BLNK: variants seen among roughly 807,000 people sequenced by gnomAD.
BLNK encodes B cell linker.
BLNK carries 29 observed loss-of-function variants against 73.5 expected under a neutral mutation model. The ratio of observed to expected loss-of-function variants is 0.39; its 90% CI spans 0.29 to 0.54. BLNK has a LOEUF of 0.54. Among genes scored for constraint, BLNK ranks in the 20% least tolerant of loss-of-function variants. The probability of loss-of-function intolerance (pLI) is 0.61; values close to 1 mark genes in which losing one functional copy is unlikely to be tolerated. For missense variants in BLNK, 460 were observed against 562.8 expected (o/e 0.82, Z 1.85); for synonymous variants, 176 against 200.8 (o/e 0.88, Z 1.04).
At chr10:96,264,602 G>A (rs1422384793) in intron 1 of BLNK, among the ~76,000 whole-genome samples, 3 of 152,008 alleles carry the variant, frequency 2.0e-5, no homozygotes, top group Non-Finnish European at 2.9e-5. Flanking sequence ...AGGGGGGCGG[G>A]GAGACATAGA....
chr10:96,191,061 T>A lies in BLNK; in HGVS notation c.*912A>T, dbSNP rs1554893267. On this transcript the variant is annotated 3_prime_UTR_variant, in exon 17 of 17. Coordinates refer to ENST00000224337, the MANE Select transcript of BLNK (RefSeq NM_013314.4). ...TGAATCACGCGGGCAGGTTTTCCCA[T>A]GTTGTTGTGATAGTGAGTAAGTCTC... 6.6e-6 allele frequency among the ~76,000 whole-genome samples: 1 copy of A among 152,016 alleles called. No individual in the cohort carries two copies. Among genetic ancestry groups the A allele is most frequent in the African/African-American group, 2.4e-5 (1 of 41,390 alleles).
At chr10:96,239,651 G>A (rs1554905760) in intron 3 of BLNK, among the ~76,000 whole-genome samples, 2 of 152,150 alleles carry the variant, frequency 1.3e-5, no homozygotes, top group Non-Finnish European at 2.9e-5. Context: ...ATATTTAAGA[G>A]GCATTTAAGA....
intron 11 of BLNK, chr10:96,204,976 C>A (rs59385217): frequency 0.31 from 100,505 of 329,052 alleles, 16,847 homozygotes; most frequent in Non-Finnish European, 0.35. Flanking sequence ...CCTCTACTTG[C>A]CATGTGGCCT....
intron 8 of BLNK, among the ~76,000 whole-genome samples, chr10:96,211,659 T>G (rs1554898729): frequency 6.6e-6 from 1 of 152,218 alleles, no homozygotes; most frequent in African/African-American, 2.4e-5. Context: ...GCCCCCTCCA[T>G]GACAGCTGTC....
chr10:96,193,623 T>A (rs1239167401), intron 16 of BLNK, among the ~76,000 whole-genome samples: 1 of 152,224 alleles, frequency 6.6e-6, no homozygotes. Context: ...CTCTCCTTTT[T>A]TTCTGTTTTT....
At chr10:96,252,873 ACTAAGACTCGACCTCATCC>A (rs1843345756) in intron 1 of BLNK, among the ~76,000 whole-genome samples, 1 of 152,174 alleles carries the variant, frequency 6.6e-6, no homozygotes, top group African/African-American at 2.4e-5. Context: ...TGGCGGTGGC[ACTAAGACTCGACCTCATCC>A]CTGTTGGTGG....
At position 96,200,813 on chromosome 10, in the gene BLNK, A is replaced by C. The variant is rs191515400; in HGVS notation, c.1011+169T>G. Among the ~76,000 whole-genome samples the C allele has an allele frequency of 2.7e-4, 41 of 152,360 alleles. No homozygotes were observed. In the East Asian group the frequency reaches 7.3e-3, roughly 27 times the overall value. ...GAGCAATGTCTTAGTCATTGAAAAA[A>C]AACAACAACTGGGTATTCTGTCCCT... On this transcript the variant is annotated intron_variant, in intron 14 of 16. Coordinates refer to ENST00000224337, the MANE Select transcript of BLNK (RefSeq NM_013314.4). The surrounding 1 kb of genome is among the most constrained non-coding windows in gnomAD (Gnocchi z 4.3).
intron 8 of BLNK, among the ~76,000 whole-genome samples, chr10:96,213,910 G>C (rs1449665967): frequency 1.3e-5 from 2 of 152,334 alleles, no homozygotes; most frequent in African/African-American, 4.8e-5. Flanking sequence ...ATGGCTCTGA[G>C]CTCCACTCCC....
chr10:96,259,625 C>T (rs557168694), intron 1 of BLNK, among the ~76,000 whole-genome samples: 5 of 141,948 alleles, frequency 3.5e-5, no homozygotes, highest in Middle Eastern at 4.0e-3. Context: ...ACTTATTAAC[C>T]GTATAAAGTA....
Position 96,209,855 on chromosome 10 carries a change from G to A in BLNK, c.729C>T (p.Ser243=), listed in dbSNP as rs782501824. 6.8e-6 allele frequency: 11 copies of A among 1,614,078 alleles called. No individual in the cohort carries two copies. In the South Asian group the frequency reaches 1.1e-4, roughly 16 times the overall value. The change falls in exon 9 of 17, where the codon TCC becomes TCT. Residue 243 remains serine (S), a synonymous_variant. Transcript: ENST00000224337. ...GTACTTACCCGGCCCGTGGCAACGG[G>A]GATGGTGCAGCTGGTGGAGGTGACT... The part of the protein sequence containing the change: ...ETKSPPPAAP[S]PLPRAGKKPT...
At chr10:96,213,657 G>A (rs2083998077) in intron 8 of BLNK, among the ~76,000 whole-genome samples, 1 of 151,578 alleles carries the variant, frequency 6.6e-6, no homozygotes, top group Non-Finnish European at 1.5e-5. Context: ...GTCCTTGTAA[G>A]GCAAGTAGAG....
intron 16 of BLNK, among the ~76,000 whole-genome samples, chr10:96,194,809 C>A (rs1283559033): frequency 7.6e-6 from 1 of 131,012 alleles, no homozygotes; most frequent in Admixed American, 8.9e-5. Context: ...CTCGCTCTGT[C>A]GCCCAGGCTG....
chr10:96,258,525 T>A (rs1380869036), intron 1 of BLNK, among the ~76,000 whole-genome samples: 2 of 152,210 alleles, frequency 1.3e-5, no homozygotes, highest in Non-Finnish European at 2.9e-5. Flanking sequence ...TTAATTTAGT[T>A]GAGGACTCCT....
chr10:96,191,512 T>C lies in BLNK; in HGVS notation c.*461A>G, dbSNP rs1554893437. On this transcript the variant is annotated 3_prime_UTR_variant, in exon 17 of 17. Coordinates refer to ENST00000224337, the MANE Select transcript of BLNK (RefSeq NM_013314.4). ...TCCTTCTTGCCTATACTTACAGATATCATACATTACCTTTAATACCTTATT... is the reference window on the plus strand; with the variant it reads ...TCCTTCTTGCCTATACTTACAGATACCATACATTACCTTTAATACCTTATT... Among the ~76,000 whole-genome samples, 5 of 152,218 alleles carry C rather than the reference T, an allele frequency of 3.3e-5. No individual in the cohort carries two copies. The highest frequency in any genetic ancestry group is 2.6e-4 in the Admixed American group (4 of 15,290).
In BLNK at chr10:96,215,249, C is replaced by G. The variant is rs1463358957; in HGVS notation, c.676+72G>C. ...AGACATTTGGAAATACAAGTGATTA[C>G]TCTTCATAGTTGATCTGTTTTTCTT... On this transcript the variant is annotated intron_variant, in intron 8 of 16. Coordinates refer to ENST00000224337, the MANE Select transcript of BLNK (RefSeq NM_013314.4). 8 of 1,456,198 alleles carry G rather than the reference C, an allele frequency of 5.5e-6. No homozygotes were observed. In the South Asian group the frequency reaches 8.0e-5, roughly 15 times the overall value. The allele number at this position is 1,456,198 out of a possible 1,614,324, so 90.2% of individuals were successfully genotyped here. A position where few individuals can be genotyped will look rare whatever the true frequency, so the allele number is the denominator to read the frequency against.
intron 6 of BLNK, among the ~76,000 whole-genome samples, chr10:96,219,651 T>A (rs915740515): frequency 2.0e-5 from 3 of 152,232 alleles, no homozygotes; most frequent in Non-Finnish European, 4.4e-5. Flanking sequence ...CAGTGCTTGA[T>A]TACAGAAAAT....
chr10:96,214,931 A>G (rs1805134938), intron 8 of BLNK, among the ~76,000 whole-genome samples: 3 of 152,188 alleles, frequency 2.0e-5, no homozygotes, highest in Admixed American at 2.0e-4. Flanking sequence ...AAGGTGGCAT[A>G]GCTGGTAACG....
rs1177637824 is a variant in BLNK at position 96,189,895 on chromosome 10, C to T, written c.*2078G>A. 4.8e-6 allele frequency: 5 copies of T among 1,048,912 alleles called. No homozygotes were observed. The highest frequency in any genetic ancestry group is 5.9e-6 in the Non-Finnish European group (4 of 679,290). The allele number at this position is 1,048,912 out of a possible 1,614,324, so 65.0% of individuals were successfully genotyped here. The stretch of plus-strand genomic sequence containing the variant: ...CTACTAAATGCTGTCCACTAATATG[C>T]ACTGGCCCTGAACCACACTTCAACC... On this transcript the variant is annotated 3_prime_UTR_variant, in exon 17 of 17. Coordinates refer to ENST00000224337, the MANE Select transcript of BLNK (RefSeq NM_013314.4).
chr10:96,270,613 T>TAATAAA (rs1844228596), intron 1 of BLNK, among the ~76,000 whole-genome samples: 1 of 127,624 alleles, frequency 7.8e-6, no homozygotes, highest in Admixed American at 7.9e-5. Context: ...AAAAGTATAA[T>TAATAAA]AAAAAAAAAA....
Sources: gnomAD v4.1 joint callset for allele counts (sites outside exome capture counted in the v4.1 genomes callset) on GRCh38, gnomAD v4.1.1 for gene constraint, Gnocchi (gnomAD v3.1) non-coding constraint, MANE v1.5 for transcripts, NCBI Gene and HGNC (gene_info 2026-07-23, HGNC 2026-07-21) for gene names.